Variants in ZFHX3 observed in about 807,000 individuals in gnomAD.
The protein encoded by ZFHX3 is zinc finger homeobox protein 3.
A neutral mutation model predicts 279.1 loss-of-function variants in ZFHX3; 42 were observed. The ratio of observed to expected loss-of-function variants is 0.15; its 90% confidence interval spans 0.12 to 0.19. ZFHX3 has a LOEUF of 0.19. Among genes scored for constraint, ZFHX3 ranks in the 10% least tolerant of loss-of-function variants. The pLI is 1.00. For synonymous variants in ZFHX3, 2,293 were observed against 1,957.8 expected (o/e 1.17, Z -4.52); for missense variants, 4,981 against 4,754.0 (o/e 1.05, Z -1.40).
chr16:73,875,637 G>C lies in ZFHX3; in HGVS notation c.-1608+16014C>G, dbSNP rs139514770. Among the ~76,000 whole-genome samples the C allele has an allele frequency of 1.2e-3, 186 of 152,100 alleles. 2 individuals carry two copies. The highest frequency in any genetic ancestry group is 4.4e-3 in the African/African-American group (184 of 41,500). On this transcript the variant is annotated intron_variant, in intron 1 of 17. Transcript: ENST00000641206. ...TCAATTTTCTAGTTATTTCTCAAGG[G>C]TTATATTTGTTCATAATAATAGCAG...
intron 8 of ZFHX3, among the ~76,000 whole-genome samples, chr16:73,080,643 A>C (rs1450659472): frequency 6.6e-6 from 1 of 151,850 alleles, no homozygotes; most frequent in Non-Finnish European, 1.5e-5. Flanking sequence ...GTATGATCAG[A>C]GCTCACTGCA....
chr16:72,972,834 T>C (rs1441176271), intron 1 of ZFHX3, among the ~76,000 whole-genome samples: 1 of 152,148 alleles, frequency 6.6e-6, no homozygotes, highest in African/African-American at 2.4e-5. Context: ...ATCTCTACAT[T>C]GCCTGTCCTC....
At chr16:73,675,821 C>A (rs377296744) in intron 2 of ZFHX3, among the ~76,000 whole-genome samples, 1 of 151,908 alleles carries the variant, frequency 6.6e-6, no homozygotes, top group Non-Finnish European at 1.5e-5. Context: ...CATACACGCA[C>A]GCACATATGC....
At chr16:73,672,409 A>G (rs2052913038) in intron 2 of ZFHX3, among the ~76,000 whole-genome samples, 3 of 152,192 alleles carry the variant, frequency 2.0e-5, no homozygotes, top group Admixed American at 6.5e-5. Flanking sequence ...TAACTACTTC[A>G]AAAACGCCAT....
chr16:73,754,285 C>T (rs143997408), intron 1 of ZFHX3, among the ~76,000 whole-genome samples: 120 of 152,290 alleles, frequency 7.9e-4, no homozygotes, highest in African/African-American at 2.5e-3. Flanking sequence ...TGTTGTAGAC[C>T]TATCCAAATA....
chr16:73,827,853 T>C (rs1215018322), intron 1 of ZFHX3, among the ~76,000 whole-genome samples: 1 of 114,674 alleles, frequency 8.7e-6, no homozygotes, highest in Non-Finnish European at 1.7e-5. Flanking sequence ...ATAGGTGTGG[T>C]GTGGTGCTGA....
intron 1 of ZFHX3, among the ~76,000 whole-genome samples, chr16:73,041,599 A>C (rs1448421916): frequency 6.6e-6 from 1 of 152,188 alleles, no homozygotes; most frequent in Non-Finnish European, 1.5e-5. Flanking sequence ...AAATAACATA[A>C]GGGGACACTA....
chr16:73,552,387 C>T (rs1271976939), intron 2 of ZFHX3, among the ~76,000 whole-genome samples: 1 of 152,032 alleles, frequency 6.6e-6, no homozygotes, highest in Non-Finnish European at 1.5e-5. Flanking sequence ...GAAAAATTAG[C>T]CATAAAATCC....
intron 5 of ZFHX3, among the ~76,000 whole-genome samples, chr16:73,212,387 C>A (rs2012052421): frequency 6.6e-6 from 1 of 152,164 alleles, no homozygotes; most frequent in African/African-American, 2.4e-5. Flanking sequence ...TATACCTCGA[C>A]TTCATACTTT....
intron 3 of ZFHX3, among the ~76,000 whole-genome samples, chr16:73,431,590 G>C (rs1010542865): frequency 1.3e-5 from 2 of 152,084 alleles, no homozygotes; most frequent in Non-Finnish European, 2.9e-5. Flanking sequence ...TTCCATAAAT[G>C]TTCCATTATT....
chr16:73,739,167 T>C (rs773109088), intron 1 of ZFHX3, among the ~76,000 whole-genome samples: 13 of 152,320 alleles, frequency 8.5e-5, no homozygotes, highest in South Asian at 4.2e-4. Flanking sequence ...ACTTGCTCCC[T>C]TCCAAACACC....
At chr16:73,537,792 T>C (rs1371354313) in intron 2 of ZFHX3, among the ~76,000 whole-genome samples, 2 of 152,206 alleles carry the variant, frequency 1.3e-5, no homozygotes, top group Non-Finnish European at 2.9e-5. Context: ...CTTTTATACC[T>C]AACCAGGAAG....
At chr16:73,168,097 A>T (rs1967416774) in intron 5 of ZFHX3, among the ~76,000 whole-genome samples, 1 of 152,162 alleles carries the variant, frequency 6.6e-6, no homozygotes. Flanking sequence ...TATACTAGTG[A>T]GATGTAGAGC....
At chr16:73,630,125 G>T (rs1000573087) in intron 2 of ZFHX3, among the ~76,000 whole-genome samples, 2 of 151,970 alleles carry the variant, frequency 1.3e-5, no homozygotes, top group African/African-American at 2.4e-5. Context: ...AATTCCAGAG[G>T]TTTTCTTTAG....
intron 3 of ZFHX3, among the ~76,000 whole-genome samples, chr16:72,902,438 T>C (rs1203078035): frequency 6.6e-6 from 1 of 152,182 alleles, no homozygotes; most frequent in African/African-American, 2.4e-5. Context: ...GCAGGCTGGC[T>C]TCCTCGCATG....
chr16:72,859,996 T>A (rs1461882915), intron 4 of ZFHX3, among the ~76,000 whole-genome samples: 1 of 152,196 alleles, frequency 6.6e-6, no homozygotes, highest in East Asian at 1.9e-4. Context: ...TATGCAGGCA[T>A]CTCCGAAGGG....
chr16:73,873,388 C>T (rs765539652), intron 1 of ZFHX3, among the ~76,000 whole-genome samples: 2 of 151,706 alleles, frequency 1.3e-5, no homozygotes, highest in Non-Finnish European at 2.9e-5. Flanking sequence ...AGTTCATCAA[C>T]TACAAAACAA....
intron 5 of ZFHX3, among the ~76,000 whole-genome samples, chr16:72,821,636 T>C (rs1597276527): frequency 6.6e-6 from 1 of 152,188 alleles, no homozygotes; most frequent in African/African-American, 2.4e-5. Flanking sequence ...TAAAGCACAA[T>C]ATTTTGTAGC....
intron 4 of ZFHX3, among the ~76,000 whole-genome samples, chr16:73,271,537 C>T (rs572841605): frequency 1.5e-4 from 23 of 152,342 alleles, no homozygotes; most frequent in African/African-American, 5.1e-4. Context: ...AATCCCACCT[C>T]GGCCACTGAC....
Sources: allele counts gnomAD v4.1 joint callset (sites outside exome capture counted in the v4.1 genomes callset), GRCh38; gene constraint gnomAD v4.1.1; transcripts MANE v1.5; gene names NCBI Gene and HGNC (gene_info 2026-07-23, HGNC 2026-07-21).